SOX5: variants seen among roughly 807,000 people sequenced by gnomAD.
The protein encoded by SOX5 is SRY-box transcription factor 5, also known as transcription factor SOX-5.
In SOX5, 9 loss-of-function variants were observed where a neutral mutation model predicts 92.0. The ratio of observed to expected loss-of-function variants is 0.10; its 90% CI spans 0.06 to 0.17. The LOEUF (loss-of-function observed/expected upper bound fraction) is 0.17, where lower values mean the gene tolerates loss of function less well. SOX5 is among the 10% of genes least tolerant of loss of function. The pLI is 1.00. For synonymous variants in SOX5, 344 were observed against 336.3 expected (o/e 1.02, Z -0.25); for missense variants, 642 against 944.5 (o/e 0.68, Z 4.20).
At chr12:24,011,578 A>G (rs1019626841) in intron 4 of SOX5, among the ~76,000 whole-genome samples, 3 of 152,080 alleles carry the variant, frequency 2.0e-5, no homozygotes, top group Non-Finnish European at 4.4e-5. Flanking sequence ...GTTCTGGCCC[A>G]TTTCTCAAGT....
chr12:24,162,492 T>A (rs989753446), intron 4 of SOX5, among the ~76,000 whole-genome samples: 1 of 152,140 alleles, frequency 6.6e-6, no homozygotes, highest in East Asian at 1.9e-4. Context: ...GATACATTAG[T>A]CTAAATGCCA....
rs370171120 is a variant in SOX5, at chr12:24,187,893, C to T, written c.-2+25450G>A. Among the ~76,000 whole-genome samples the T allele has an allele frequency of 1.5e-4, 23 of 152,252 alleles. No individual in the cohort carries two copies. In the South Asian group the frequency reaches 4.8e-3, roughly 32 times the overall value. The stretch of plus-strand genomic sequence containing the variant: ...CAAGCCAAGTTTGACTTTAAAATGG[C>T]CTATTAATATCACTACTTAGCAACG... On this transcript the variant is annotated intron_variant, in intron 4 of 4. Coordinates refer to the SOX5 transcript ENST00000446891.
chr12:24,474,508 A>G (rs952535994), intron 1 of SOX5, among the ~76,000 whole-genome samples: 2 of 152,118 alleles, frequency 1.3e-5, no homozygotes, highest in Non-Finnish European at 2.9e-5. Flanking sequence ...ATAATTGTAA[A>G]TGATTTTCCG....
chr12:23,995,268 T>C (rs180692030), intron 4 of SOX5, among the ~76,000 whole-genome samples: 1 of 152,236 alleles, frequency 6.6e-6, no homozygotes, highest in African/African-American at 2.4e-5. Flanking sequence ...AGATAGATTA[T>C]GACTCTAAAT....
At chr12:24,433,835 G>A (rs2137082745) in intron 1 of SOX5, among the ~76,000 whole-genome samples, 1 of 152,308 alleles carries the variant, frequency 6.6e-6, no homozygotes, top group Non-Finnish European at 1.5e-5. Context: ...ACAGTGCCAT[G>A]GGTGCGGATG....
At chr12:23,765,456 A>G (rs1340825533) in intron 3 of SOX5, among the ~76,000 whole-genome samples, 1 of 149,684 alleles carries the variant, frequency 6.7e-6, no homozygotes, top group Non-Finnish European at 1.5e-5. Context: ...AATAAGTGAA[A>G]TAAGTTAAAA....
chr12:24,127,014 A>T (rs1949168731), intron 4 of SOX5, among the ~76,000 whole-genome samples: 1 of 152,112 alleles, frequency 6.6e-6, no homozygotes, highest in African/African-American at 2.4e-5. Context: ...CTATATAATT[A>T]GTACATACTA....
chr12:23,689,988 G>A (rs187181575), intron 6 of SOX5, among the ~76,000 whole-genome samples: 18 of 152,258 alleles, frequency 1.2e-4, no homozygotes, highest in South Asian at 8.3e-4. Context: ...CATTCAACAT[G>A]AATAAAACTG....
chr12:23,617,750 TC>T (rs1437401134), intron 8 of SOX5, among the ~76,000 whole-genome samples: 1 of 152,164 alleles, frequency 6.6e-6, no homozygotes, highest in East Asian at 1.9e-4. Context: ...TAAAAGGCTT[TC>T]TTCATTACAC....
intron 3 of SOX5, among the ~76,000 whole-genome samples, chr12:23,816,841 T>G (rs1447761211): frequency 6.6e-6 from 1 of 152,140 alleles, no homozygotes; most frequent in Admixed American, 6.6e-5. Flanking sequence ...CAATAAAACA[T>G]ATAGGATGGC....
intron 1 of SOX5, among the ~76,000 whole-genome samples, chr12:24,401,814 A>G (rs1357182443): frequency 6.6e-6 from 1 of 151,678 alleles, no homozygotes; most frequent in East Asian, 1.9e-4. Flanking sequence ...AGCCTAAAAT[A>G]TTTACTCTCT....
At chr12:24,400,604 A>T (rs1961285255) in intron 1 of SOX5, among the ~76,000 whole-genome samples, 1 of 152,182 alleles carries the variant, frequency 6.6e-6, no homozygotes, top group Admixed American at 6.5e-5. Context: ...TGAAATTTAG[A>T]CCTACTAAGT....
At chr12:23,673,733 G>GA (rs34408386) in intron 6 of SOX5, among the ~76,000 whole-genome samples, 47,809 of 151,668 alleles carry the variant, frequency 0.32, 7,751 homozygotes, top group East Asian at 0.53. Flanking sequence ...TAAGTTCTTT[G>GA]AAAAAAATCT....
chr12:23,741,766 G>T (rs2093805722), intron 4 of SOX5, among the ~76,000 whole-genome samples: 1 of 152,138 alleles, frequency 6.6e-6, no homozygotes, highest in African/African-American at 2.4e-5. Context: ...AGATAATGTG[G>T]TTGGCAAATT....
intron 3 of SOX5, among the ~76,000 whole-genome samples, chr12:23,803,098 C>T (rs537630742): frequency 2.0e-5 from 3 of 152,328 alleles, no homozygotes; most frequent in Admixed American, 2.0e-4. Flanking sequence ...TTCCATCATG[C>T]TTCTCTAAAT....
chr12:24,545,041 A>G (rs1262572507), intron 1 of SOX5, among the ~76,000 whole-genome samples: 1 of 152,166 alleles, frequency 6.6e-6, no homozygotes, highest in Non-Finnish European at 1.5e-5. Context: ...TGATCAGAAA[A>G]ATTAGGAGAG....
chr12:24,001,683 C>T (rs1346673823), intron 4 of SOX5, among the ~76,000 whole-genome samples: 1 of 152,108 alleles, frequency 6.6e-6, no homozygotes, highest in African/African-American at 2.4e-5. Context: ...CATTTGTAAT[C>T]TGTACACCAC....
intron 1 of SOX5, among the ~76,000 whole-genome samples, chr12:23,914,167 C>T (rs1216895004): frequency 1.3e-5 from 2 of 152,146 alleles, no homozygotes; most frequent in Non-Finnish European, 2.9e-5. Context: ...TGTTGGTGCT[C>T]ACTGTATAAT....
intron 1 of SOX5, among the ~76,000 whole-genome samples, chr12:24,448,107 G>A (rs955574784): frequency 2.0e-5 from 3 of 152,122 alleles, no homozygotes; most frequent in East Asian, 1.9e-4. Flanking sequence ...GCTTGAACCC[G>A]AGGGGCAGAG....
Sources: allele counts gnomAD v4.1 joint callset (sites outside exome capture counted in the v4.1 genomes callset), GRCh38; gene constraint gnomAD v4.1.1; transcripts MANE v1.5; gene names NCBI Gene and HGNC (gene_info 2026-07-23, HGNC 2026-07-21).